Variants in EYS observed in about 807,000 individuals in gnomAD.
EYS encodes the protein EGF-like photoreceptor maintenance factor.
Under a neutral mutation model 282.1 loss-of-function variants are expected in EYS, and 250 were observed. The observed-to-expected ratio is 0.89, with a 90% CI of 0.80 to 0.98. The LOEUF is 0.98. Among genes scored for constraint, EYS ranks in the 50% least tolerant of loss-of-function variants. The probability of loss-of-function intolerance (pLI) is 0.00; values close to 1 mark genes in which losing one functional copy is unlikely to be tolerated. For synonymous variants in EYS, 1,355 were observed against 1,282.9 expected (o/e 1.06, Z -1.20); for missense variants, 4,016 against 3,709.0 (o/e 1.08, Z -2.15).
intron 5 of EYS, among the ~76,000 whole-genome samples, chr6:65,462,081 G>A (rs1472341398): frequency 6.6e-6 from 1 of 151,958 alleles, no homozygotes; most frequent in African/African-American, 2.4e-5. Flanking sequence ...TCTTATACTG[G>A]CCACTGCATA....
chr6:64,329,181 G>T (rs1259768790), intron 29 of EYS, among the ~76,000 whole-genome samples: 3 of 152,182 alleles, frequency 2.0e-5, no homozygotes, highest in Non-Finnish European at 4.4e-5. Flanking sequence ...GCACTCGGTA[G>T]TAAATCAAGC....
At chr6:64,825,346 C>T (rs1029109732) in intron 19 of EYS, among the ~76,000 whole-genome samples, 1 of 151,738 alleles carries the variant, frequency 6.6e-6, no homozygotes, top group African/African-American at 2.4e-5. Flanking sequence ...ATGTATTCAT[C>T]TTTTTTTTCT....
At chr6:65,418,121 T>C (rs1005100285) in intron 5 of EYS, among the ~76,000 whole-genome samples, 2 of 152,076 alleles carry the variant, frequency 1.3e-5, no homozygotes, top group Non-Finnish European at 2.9e-5. Context: ...CATATCCTGT[T>C]GTGCAATTTT....
At chr6:65,663,186 C>A (rs1455056765) in intron 1 of EYS, among the ~76,000 whole-genome samples, 1 of 152,012 alleles carries the variant, frequency 6.6e-6, no homozygotes, top group Non-Finnish European at 1.5e-5. Flanking sequence ...TTCTTTCCAG[C>A]GATTAGAGCC....
chr6:65,515,505 G>A (rs1490796110), intron 2 of EYS, among the ~76,000 whole-genome samples: 4 of 150,980 alleles, frequency 2.6e-5, no homozygotes, highest in South Asian at 2.1e-4. Flanking sequence ...TGTTTATTGC[G>A]GCACTATTCA....
At chr6:63,866,180 A>G (rs752806361) in intron 35 of EYS, among the ~76,000 whole-genome samples, 9 of 152,160 alleles carry the variant, frequency 5.9e-5, no homozygotes, top group Non-Finnish European at 1.3e-4. Flanking sequence ...TTTCCTGAGA[A>G]TAGCGATAAA....
chr6:64,821,502 G>A, intron 21 of EYS, 143 bp downstream of exon 21: 1 of 489,894 alleles, frequency 2.0e-6, no homozygotes, highest in Non-Finnish European at 3.7e-6. Flanking sequence ...AGCAGCCAAA[G>A]AATTACACAG....
intron 1 of EYS, among the ~76,000 whole-genome samples, chr6:65,669,410 T>A (rs1199569579): frequency 6.6e-6 from 1 of 152,002 alleles, no homozygotes; most frequent in African/African-American, 2.4e-5. Context: ...TATAAAAGAC[T>A]GAAATTTCCC....
chr6:63,848,383 G>C (rs1402263261), intron 36 of EYS, among the ~76,000 whole-genome samples: 2 of 151,988 alleles, frequency 1.3e-5, no homozygotes, highest in Non-Finnish European at 2.9e-5. Context: ...TGCCACTTTG[G>C]GGATTGGCAA....
intron 14 of EYS, among the ~76,000 whole-genome samples, chr6:64,974,514 T>C (rs1280723261): frequency 6.6e-6 from 1 of 151,870 alleles, no homozygotes; most frequent in Non-Finnish European, 1.5e-5. Flanking sequence ...TTAAGCATTT[T>C]AATATTTGTT....
At position 64,986,440 on chromosome 6, in the gene EYS, T is replaced by C. The variant is rs117916557; in HGVS notation, c.2259+11142A>G. Among the ~76,000 whole-genome samples the C allele has an allele frequency of 9.9e-5, 15 of 151,546 alleles. No homozygotes were observed. The East Asian group carries it at 2.9e-3, about 30-fold the overall frequency. The stretch of plus-strand genomic sequence containing the variant: ...ATTCACTTTATTTCACAATTTTAAC[T>C]TGACTGCCTTGAATTATTGGAAGAT... On this transcript the variant is annotated intron_variant, in intron 14 of 42. Coordinates refer to ENST00000503581, the MANE Select transcript of EYS (RefSeq NM_001142800.2).
intron 35 of EYS, among the ~76,000 whole-genome samples, chr6:63,873,177 GGT>G (rs2149713637): frequency 7.7e-6 from 1 of 129,702 alleles, no homozygotes; most frequent in South Asian, 2.5e-4. Flanking sequence ...GACAGGACAC[GGT>G]GTGTGATGTT....
intron 11 of EYS, among the ~76,000 whole-genome samples, chr6:65,316,583 A>G (rs1769300818): frequency 6.6e-6 from 1 of 150,874 alleles, no homozygotes; most frequent in Non-Finnish European, 1.5e-5. Context: ...TGCACCCATC[A>G]ACCCATCATC....
chr6:63,727,028 T>C (rs537974100), intron 41 of EYS, among the ~76,000 whole-genome samples: 1 of 152,358 alleles, frequency 6.6e-6, no homozygotes, highest in African/African-American at 2.4e-5. Context: ...TTTATAATGC[T>C]TTCAGAAAGT....
At chr6:65,274,835 G>A (rs577620111) in intron 12 of EYS, among the ~76,000 whole-genome samples, 38 of 151,818 alleles carry the variant, frequency 2.5e-4, no homozygotes, top group African/African-American at 8.7e-4. Flanking sequence ...GGGGTCCATA[G>A]GTCCTGTCAA....
intron 8 of EYS, among the ~76,000 whole-genome samples, chr6:65,384,132 T>A (rs1459702334): frequency 6.6e-6 from 1 of 151,894 alleles, no homozygotes; most frequent in Non-Finnish European, 1.5e-5. Context: ...CTAAGAAGTA[T>A]ATCACCAGGC....
chr6:63,765,980 C>T (rs1007959841), intron 40 of EYS, among the ~76,000 whole-genome samples: 1 of 152,018 alleles, frequency 6.6e-6, no homozygotes, highest in Non-Finnish European at 1.5e-5. Flanking sequence ...TGAGGAGGCA[C>T]ATTTTAAGAA....
chr6:65,548,168 C>G (rs1051546565), intron 2 of EYS, among the ~76,000 whole-genome samples: 3 of 152,232 alleles, frequency 2.0e-5, no homozygotes, highest in Admixed American at 2.0e-4. Context: ...GTCCAAAGAA[C>G]TATTCTACAA....
Position 64,528,643 on chromosome 6 carries a change from T to C in EYS, c.5644+61580A>G, listed in dbSNP as rs1778001081. Reference sequence around the variant, plus strand: ...TTATTTAGTACCAAGTGCTTTCACTTTGAACACTGTCTTAAAAATGTCTCC... The same window carrying C: ...TTATTTAGTACCAAGTGCTTTCACTCTGAACACTGTCTTAAAAATGTCTCC... On this transcript the variant is annotated intron_variant, in intron 26 of 42. Transcript: ENST00000503581. Among the ~76,000 whole-genome samples the C allele has an allele frequency of 2.0e-5, 3 of 152,120 alleles. No homozygotes were observed. In the South Asian group the frequency reaches 6.2e-4, roughly 32 times the overall value.
Sources: allele counts gnomAD v4.1 joint callset (sites outside exome capture counted in the v4.1 genomes callset), GRCh38; gene constraint gnomAD v4.1.1; transcripts MANE v1.5; gene names NCBI Gene and HGNC (gene_info 2026-07-23, HGNC 2026-07-21).